BACH2: variants seen among roughly 807,000 people sequenced by gnomAD.
The protein encoded by BACH2 is transcription regulator protein BACH2.
A neutral mutation model predicts 61.8 loss-of-function variants in BACH2; 5 were observed. The ratio of observed to expected loss-of-function variants is 0.08; its 90% CI spans 0.04 to 0.17. BACH2 has a LOEUF of 0.17. Ranked by LOEUF, BACH2 falls within the 10% of genes least tolerant of loss-of-function variation. The probability of loss-of-function intolerance (pLI) is 1.00; values close to 1 mark genes in which losing one functional copy is unlikely to be tolerated. For synonymous variants in BACH2, 446 were observed against 440.1 expected (o/e 1.01, Z -0.17); for missense variants, 824 against 1,091.1 (o/e 0.76, Z 3.45).
chr6:90,024,629 T>C (rs1323302553), intron 5 of BACH2, among the ~76,000 whole-genome samples: 2 of 152,198 alleles, frequency 1.3e-5, no homozygotes, highest in Non-Finnish European at 2.9e-5. Flanking sequence ...TCCTGAAACA[T>C]GAGCTTTTCT....
intron 5 of BACH2, among the ~76,000 whole-genome samples, chr6:90,011,395 T>C (rs1029787951): frequency 1.1e-4 from 17 of 152,360 alleles, no homozygotes; most frequent in African/African-American, 4.1e-4. Flanking sequence ...TGTCTTTTAC[T>C]ATTTTTATGT....
In BACH2 at chr6:90,188,307, C is replaced by T. The variant is rs114650127; in HGVS notation, c.-162+18262G>A. Among the ~76,000 whole-genome samples, 1,037 of 152,120 alleles carry T rather than the reference C, an allele frequency of 6.8e-3. 14 individuals are homozygous for T. The highest frequency in any genetic ancestry group is 0.023 in the African/African-American group (974 of 41,516). The stretch of plus-strand genomic sequence containing the variant: ...TTGTATAGAATGTCAGTAGACACAC[C>T]ATGAATTTGTTTAAGTGTGGGTTAA... On this transcript the variant is annotated intron_variant, in intron 4 of 8. Transcript: ENST00000257749.
chr6:90,241,470 G>C (rs934867497), intron 3 of BACH2, among the ~76,000 whole-genome samples: 1 of 152,168 alleles, frequency 6.6e-6, no homozygotes, highest in African/African-American at 2.4e-5. Flanking sequence ...TGCAAGGGTA[G>C]GAATTTCCTC....
intron 4 of BACH2, among the ~76,000 whole-genome samples, chr6:90,089,509 G>C (rs1782072450): frequency 6.6e-6 from 1 of 152,122 alleles, no homozygotes; most frequent in African/African-American, 2.4e-5. Flanking sequence ...GTAAATAGAA[G>C]AGATTTGGGA....
intron 6 of BACH2, among the ~76,000 whole-genome samples, chr6:89,987,668 T>C (rs1198343833): frequency 1.3e-5 from 2 of 152,048 alleles, no homozygotes; most frequent in African/African-American, 4.8e-5. Context: ...TTGTATAAAA[T>C]GGAGGAAGGA....
At chr6:89,936,301 ATAACCTGACTCAT>A (rs1225507009) in intron 8 of BACH2, among the ~76,000 whole-genome samples, 1 of 152,190 alleles carries the variant, frequency 6.6e-6, no homozygotes, top group Non-Finnish European at 1.5e-5. Context: ...GAGGTGATGC[ATAACCTGACTCAT>A]TCATTCATTT....
At chr6:90,149,444 C>CA (rs1784735042) in intron 4 of BACH2, among the ~76,000 whole-genome samples, 1 of 152,186 alleles carries the variant, frequency 6.6e-6, no homozygotes, top group Admixed American at 6.5e-5. Context: ...TACCGTGCTA[C>CA]ACATTGTCTC....
At chr6:89,971,803 C>G (rs1775374506) in intron 6 of BACH2, among the ~76,000 whole-genome samples, 1 of 152,116 alleles carries the variant, frequency 6.6e-6, no homozygotes, top group Non-Finnish European at 1.5e-5. Flanking sequence ...TATTCACTAC[C>G]AGGAGAACAG....
chr6:89,958,131 ATT>A (rs1018484244), intron 6 of BACH2, among the ~76,000 whole-genome samples: 3 of 151,922 alleles, frequency 2.0e-5, no homozygotes, highest in Admixed American at 6.6e-5. Flanking sequence ...GTCACTTATA[ATT>A]TTTTTGTTTA....
At chr6:90,249,665 G>A (rs908075160) in intron 3 of BACH2, among the ~76,000 whole-genome samples, 4 of 152,036 alleles carry the variant, frequency 2.6e-5, no homozygotes, top group Non-Finnish European at 5.9e-5. Flanking sequence ...TCAACTACTC[G>A]AGAGGCTGAC....
intron 4 of BACH2, among the ~76,000 whole-genome samples, chr6:90,190,364 A>G (rs1768527732): frequency 1.3e-5 from 2 of 152,238 alleles, no homozygotes. Context: ...TCAGGCCTGA[A>G]AAAATGTTCA....
intron 6 of BACH2, among the ~76,000 whole-genome samples, chr6:89,989,828 G>A (rs1412167146): frequency 6.6e-6 from 1 of 152,188 alleles, no homozygotes; most frequent in Non-Finnish European, 1.5e-5. Context: ...TGGAGGGAGA[G>A]CAGAAGAGGC....
At position 89,950,258 on chromosome 6, in the gene BACH2, T is replaced by G; in HGVS notation, c.1836+12A>C. 1 of 1,614,008 alleles carries G rather than the reference T, an allele frequency of 6.2e-7. No individual in the cohort carries two copies. Among genetic ancestry groups the G allele is most frequent in the Non-Finnish European group, 8.5e-7 (1 of 1,179,948 alleles). Reference sequence around the variant, plus strand: ...AGTGGGTCACATGCTTGAATTTATGTGGGTTCCCTACCTCCTGGCCCCTGT... The same window carrying G: ...AGTGGGTCACATGCTTGAATTTATGGGGGTTCCCTACCTCCTGGCCCCTGT... On this transcript the variant is annotated intron_variant, in intron 7 of 8. Coordinates refer to ENST00000257749, the MANE Select transcript of BACH2 (RefSeq NM_021813.4). The surrounding 1 kb of genome is among the most constrained non-coding windows in gnomAD (Gnocchi z 5.3).
intron 2 of BACH2, among the ~76,000 whole-genome samples, chr6:90,258,563 G>A (rs377440854): frequency 1.3e-5 from 2 of 152,092 alleles, no homozygotes; most frequent in African/African-American, 4.8e-5. Context: ...TCATGGTTCT[G>A]TACAAATTTA....
intron 4 of BACH2, among the ~76,000 whole-genome samples, chr6:90,106,142 C>T (rs1178786097): frequency 6.6e-6 from 1 of 152,160 alleles, no homozygotes; most frequent in East Asian, 1.9e-4. Flanking sequence ...TTCAAAAAAG[C>T]TAGAACAATT....
chr6:90,242,941 G>A (rs923265727), intron 3 of BACH2, among the ~76,000 whole-genome samples: 33 of 151,388 alleles, frequency 2.2e-4, no homozygotes, highest in Non-Finnish European at 2.2e-4. Flanking sequence ...GTGCAATGGC[G>A]TGATCTTGGC....
intron 4 of BACH2, among the ~76,000 whole-genome samples, chr6:90,130,316 T>G (rs1054334725): frequency 6.6e-6 from 1 of 152,182 alleles, no homozygotes; most frequent in African/African-American, 2.4e-5. Flanking sequence ...ACAGGTGACC[T>G]AGGATACAGG....
At position 90,173,583 on chromosome 6, in the gene BACH2, T is replaced by C. The variant is rs536974240; in HGVS notation, c.-162+32986A>G. On this transcript the variant is annotated intron_variant, in intron 4 of 8. Transcript: ENST00000257749. ...AAGAAGCCAAACACAAAAGTCTACT[T>C]ACTGTATGATTTCATTTGTATGACT... 6.6e-5 allele frequency among the ~76,000 whole-genome samples: 10 copies of C among 152,270 alleles called. No individual in the cohort carries two copies. In the South Asian group the frequency reaches 2.1e-3, roughly 32 times the overall value.
Position 90,159,970 on chromosome 6 carries a change from C to T in BACH2, c.-162+46599G>A, listed in dbSNP as rs539317762. ...CAAAAGGAATCATAATTTTTTTCAACGAGCTTTCAAAGTATGTATGCTCTT... is the reference window on the plus strand; with the variant it reads ...CAAAAGGAATCATAATTTTTTTCAATGAGCTTTCAAAGTATGTATGCTCTT... On this transcript the variant is annotated intron_variant, in intron 4 of 8. Transcript: ENST00000257749. Among the ~76,000 whole-genome samples the T allele has an allele frequency of 5.3e-5, 8 of 152,220 alleles. No homozygotes were observed. In the South Asian group the frequency reaches 6.2e-4, roughly 12 times the overall value.
Sources: allele counts gnomAD v4.1 joint callset (sites outside exome capture counted in the v4.1 genomes callset), GRCh38; gene constraint gnomAD v4.1.1; non-coding constraint Gnocchi (gnomAD v3.1); transcripts MANE v1.5; gene names NCBI Gene and HGNC (gene_info 2026-07-23, HGNC 2026-07-21).